The following CDH11 variants were observed in gnomAD, a reference collection of about 807,000 sequenced individuals.
CDH11 encodes the protein cadherin 11.
Under a neutral mutation model 67.8 loss-of-function variants are expected in CDH11, and 11 were observed. The ratio of observed to expected loss-of-function variants is 0.16; its 90% CI spans 0.10 to 0.27. The LOEUF (loss-of-function observed/expected upper bound fraction) is 0.27, where lower values mean the gene tolerates loss of function less well. CDH11 is among the 10% of genes least tolerant of loss of function. The pLI is 1.00. For missense variants in CDH11, 847 were observed against 1,031.2 expected (o/e 0.82, Z 2.45); for synonymous variants, 419 against 400.0 (o/e 1.05, Z -0.57).
chr16:65,054,890 C>T (rs536330889), intron 1 of CDH11, among the ~76,000 whole-genome samples: 3 of 152,260 alleles, frequency 2.0e-5, no homozygotes, highest in Non-Finnish European at 2.9e-5. Flanking sequence ...TTGCTTCCAT[C>T]GAACACCATA....
chr16:65,088,047 G>T (rs2074732200), intron 1 of CDH11, among the ~76,000 whole-genome samples: 2 of 152,122 alleles, frequency 1.3e-5, no homozygotes, highest in African/African-American at 4.8e-5. Flanking sequence ...CAATATGATG[G>T]TATTAGAGAT....
intron 1 of CDH11, among the ~76,000 whole-genome samples, chr16:65,119,670 T>A (rs575327726): frequency 1.8e-4 from 28 of 152,154 alleles, no homozygotes; most frequent in Admixed American, 1.8e-3. Flanking sequence ...GTGAGGAGGG[T>A]GGTTTATTCT....
chr16:65,077,095 T>A (rs1447150259), intron 1 of CDH11, among the ~76,000 whole-genome samples: 1 of 152,148 alleles, frequency 6.6e-6, no homozygotes. Context: ...TTCCACTGCA[T>A]CTTGTTATTT....
chr16:65,042,742 C>T (rs762273030), intron 2 of CDH11, among the ~76,000 whole-genome samples: 1 of 152,168 alleles, frequency 6.6e-6, no homozygotes, highest in Admixed American at 6.5e-5. Context: ...TGTCTTCCCT[C>T]CATCTGGTAT....
At chr16:65,002,882 C>A (rs2072953782) in intron 3 of CDH11, among the ~76,000 whole-genome samples, 1 of 151,710 alleles carries the variant, frequency 6.6e-6, no homozygotes. Context: ...AATTCATAAT[C>A]ATTTACATTG....
At chr16:65,122,453 T>A (rs1356793160), upstream of CDH11, 1 of 169,798 alleles carries the variant, frequency 5.9e-6, no homozygotes, top group Non-Finnish European at 1.3e-5. Context: ...AGCCCCCATT[T>A]TCCTCCTTCC....
In CDH11 at chr16:64,946,573, T is replaced by C; in HGVS notation, c.*1030A>G. 9.7e-7 allele frequency: 1 copy of C among 1,033,778 alleles called. No individual in the cohort carries two copies. Among genetic ancestry groups the C allele is most frequent in the Non-Finnish European group, 1.2e-6 (1 of 859,202 alleles). The allele number at this position is 1,033,778 out of a possible 1,614,324, so 64.0% of individuals were successfully genotyped here. A position where few individuals can be genotyped will look rare whatever the true frequency, so the allele number is the denominator to read the frequency against. Reference sequence around the variant, plus strand: ...AGCCAGGAGGTTAACACCAAGAATGTACAAAAAAGCTTTACATGATGTTAC... The same window carrying C: ...AGCCAGGAGGTTAACACCAAGAATGCACAAAAAAGCTTTACATGATGTTAC... On this transcript the variant is annotated 3_prime_UTR_variant, in exon 13 of 13. Transcript: ENST00000268603.
intron 2 of CDH11, among the ~76,000 whole-genome samples, chr16:65,048,130 T>C (rs1323110743): frequency 2.6e-5 from 4 of 152,210 alleles, no homozygotes; most frequent in Non-Finnish European, 5.9e-5. Context: ...AGATGACTGA[T>C]GAGTAAACAC....
rs774584940 is a variant in CDH11 at position 65,004,798 on chromosome 16, G to T, written c.72C>A (p.Ala24=). 11 of 1,597,552 alleles carry T rather than the reference G, an allele frequency of 6.9e-6. No individual in the cohort carries two copies. Among genetic ancestry groups the T allele is most frequent in the Non-Finnish European group, 9.4e-6 (11 of 1,172,302 alleles). The part of the protein sequence containing the change: ...LGMLCHSHAF[A]PERRGHLRPS... ...GCCGCAGGTGCCCCCGCCGCTCTGG[G>T]GCAAAGGCATGGCTGTGGCACAGCA... Residue 24 remains alanine (A), a synonymous_variant, in exon 3 of 13, where the codon GCC becomes GCA. Transcript: ENST00000268603.
At chr16:65,010,777 C>T (rs1010711467) in intron 2 of CDH11, among the ~76,000 whole-genome samples, 1 of 151,902 alleles carries the variant, frequency 6.6e-6, no homozygotes, top group Admixed American at 6.6e-5. Flanking sequence ...TCATTCACTA[C>T]CTATGTGTCA....
At chr16:65,059,920 T>C (rs2074209543) in intron 1 of CDH11, among the ~76,000 whole-genome samples, 1 of 152,228 alleles carries the variant, frequency 6.6e-6, no homozygotes, top group African/African-American at 2.4e-5. Context: ...GCAAACCTCC[T>C]ACTACTCACT....
chr16:64,993,525 C>T (rs535066128), intron 4 of CDH11, among the ~76,000 whole-genome samples: 1 of 152,042 alleles, frequency 6.6e-6, no homozygotes, highest in Non-Finnish European at 1.5e-5. Flanking sequence ...AAAATTGCTG[C>T]TAATTCTACA....
At chr16:65,031,913 C>T (rs975376880) in intron 2 of CDH11, among the ~76,000 whole-genome samples, 21 of 152,044 alleles carry the variant, frequency 1.4e-4, no homozygotes, top group African/African-American at 4.8e-4. Context: ...AAATGAATGT[C>T]TACTTTAATT....
chr16:64,993,476 A>G (rs765380130), intron 4 of CDH11, among the ~76,000 whole-genome samples: 78 of 152,212 alleles, frequency 5.1e-4, no homozygotes, highest in Non-Finnish European at 1.0e-3. Context: ...CTGTAGCAGA[A>G]CAATAAATAC....
chr16:65,062,887 A>G (rs1181732861), intron 1 of CDH11, among the ~76,000 whole-genome samples: 1 of 152,188 alleles, frequency 6.6e-6, no homozygotes, highest in East Asian at 1.9e-4. Flanking sequence ...TTCAGGCACA[A>G]ATTTGAATTT....
intron 2 of CDH11, among the ~76,000 whole-genome samples, chr16:65,021,383 C>T (rs998437423): frequency 1.3e-5 from 2 of 152,026 alleles, no homozygotes; most frequent in African/African-American, 4.8e-5. Flanking sequence ...CTGTTTTTCC[C>T]AAGGACTTCT....
Position 64,947,621 on chromosome 16 carries a change from A to C in CDH11, c.2373T>G (p.Thr791=). The stretch of plus-strand genomic sequence containing the variant: ...GTTATTGTTAAGAATCGTCATCAAA[A>C]GTGTCTTTGGAACCATACAAATCTG... The part of the protein sequence containing the change: ...KLADLYGSKD[T]FDDDS Residue 791 remains threonine (T), a synonymous_variant, in exon 13 of 13, where the codon ACT becomes ACG. Transcript: ENST00000268603. 1 of 1,607,644 alleles carries C rather than the reference A, an allele frequency of 6.2e-7. No homozygotes were observed.
intron 1 of CDH11, among the ~76,000 whole-genome samples, chr16:65,092,688 T>G (rs2074812260): frequency 6.6e-6 from 1 of 151,638 alleles, no homozygotes; most frequent in Non-Finnish European, 1.5e-5. Flanking sequence ...CTCTTGCAAC[T>G]CAGCTCAAAT....
rs181661558 is a variant in CDH11, at chr16:65,049,467, C to T, written c.-173+4337G>A. Among the ~76,000 whole-genome samples, 203 of 152,098 alleles carry T rather than the reference C, an allele frequency of 1.3e-3. 1 individual carries two copies. Among genetic ancestry groups the T allele is most frequent in the Non-Finnish European group, 5.9e-4 (40 of 67,992 alleles). ...CCTCATCTATGAAAGAATCATGACC[C>T]CTGCGCATAGCAGCCAAAGTCTTGG... On this transcript the variant is annotated intron_variant, in intron 2 of 12. Transcript: ENST00000268603.
Sources: allele counts gnomAD v4.1 joint callset (sites outside exome capture counted in the v4.1 genomes callset), GRCh38; gene constraint gnomAD v4.1.1; transcripts MANE v1.5; gene names NCBI Gene and HGNC (gene_info 2026-07-23, HGNC 2026-07-21).